Variants in THSD7A observed in about 807,000 individuals in gnomAD.
The protein encoded by THSD7A is thrombospondin type 1 domain containing 7A.
A neutral mutation model predicts 231.3 loss-of-function variants in THSD7A; 96 were observed. That is an observed-to-expected ratio of 0.41 (90% confidence interval 0.35 to 0.49). The LOEUF is 0.49. Ranked by LOEUF, THSD7A falls within the 20% of genes least tolerant of loss-of-function variation. The pLI is 0.05. For missense variants in THSD7A, 2,290 were observed against 2,070.2 expected, an observed-to-expected ratio of 1.11 and a Z score of -2.06; for synonymous variants, 940 against 743.3, an observed-to-expected ratio of 1.26 and a Z score of -4.30.
intron 23 of THSD7A, among the ~76,000 whole-genome samples, chr7:11,394,794 A>C (rs1240315135): frequency 6.6e-6 from 1 of 152,118 alleles, no homozygotes; most frequent in Non-Finnish European, 1.5e-5. Context: ...TACACTGCAT[A>C]CCTGTGGCCG....
At chr7:11,745,304 T>C (rs1423706750) in intron 1 of THSD7A, among the ~76,000 whole-genome samples, 2 of 152,250 alleles carry the variant, frequency 1.3e-5, no homozygotes, top group Middle Eastern at 6.8e-3. Flanking sequence ...GTTTTTTTCT[T>C]GTAAATTTGT....
At chr7:11,600,301 A>G (rs1261330510) in intron 2 of THSD7A, among the ~76,000 whole-genome samples, 1 of 152,220 alleles carries the variant, frequency 6.6e-6, no homozygotes, top group African/African-American at 2.4e-5. Flanking sequence ...TTTTCTATTC[A>G]AACTTTGACA....
intron 8 of THSD7A, among the ~76,000 whole-genome samples, chr7:11,473,170 T>A (rs2128301901): frequency 6.6e-6 from 1 of 152,288 alleles, no homozygotes; most frequent in East Asian, 1.9e-4. Flanking sequence ...GGGCAAAATA[T>A]CCCTAATGTC....
intron 19 of THSD7A, among the ~76,000 whole-genome samples, chr7:11,410,706 C>T (rs373209666): frequency 8.5e-5 from 13 of 152,102 alleles, no homozygotes; most frequent in African/African-American, 2.9e-4. Context: ...TGGCTGACTT[C>T]ATTCCTCTGT....
chr7:11,714,034 T>G (rs187414967), intron 1 of THSD7A, among the ~76,000 whole-genome samples: 45 of 151,402 alleles, frequency 3.0e-4, no homozygotes, highest in African/African-American at 7.7e-4. Flanking sequence ...AAATTTAAGT[T>G]AAATATGTGT....
chr7:11,723,909 G>A (rs182155748), intron 1 of THSD7A, among the ~76,000 whole-genome samples: 6 of 152,052 alleles, frequency 3.9e-5, no homozygotes, highest in Non-Finnish European at 7.4e-5. Flanking sequence ...ATCTTACTCT[G>A]AATGAAGTGG....
At position 11,597,705 on chromosome 7, in the gene THSD7A, G is replaced by A. The variant is rs186620344; in HGVS notation, c.1023-4203C>T. ...TGATTATACGTCATCAAGTCTCCAT[G>A]TGACCTGAACTGCCTATCATGTACT... On this transcript the variant is annotated intron_variant, in intron 2 of 27. Transcript: ENST00000423059. Among the ~76,000 whole-genome samples, 430 of 152,268 alleles carry A rather than the reference G, an allele frequency of 2.8e-3. 2 individuals are homozygous for A. The highest frequency in any genetic ancestry group is 3.5e-3 in the Non-Finnish European group (241 of 68,018).
In THSD7A at chr7:11,688,998, T is replaced by C. The variant is rs553718444; in HGVS notation, c.191-52037A>G. The stretch of plus-strand genomic sequence containing the variant: ...AAAAAGTTTCTGTTTCTCTTCCCTA[T>C]TTGTTTTCTCAAATGGGAAAAAAAC... On this transcript the variant is annotated intron_variant, in intron 1 of 27. Coordinates refer to ENST00000423059, the MANE Select transcript of THSD7A (RefSeq NM_015204.3). 3.1e-4 allele frequency among the ~76,000 whole-genome samples: 47 copies of C among 152,018 alleles called. No homozygotes were observed. The South Asian group carries it at 4.8e-3, about 15-fold the overall frequency.
At chr7:11,482,243 T>C (rs1317081851) in intron 6 of THSD7A, among the ~76,000 whole-genome samples, 1 of 152,190 alleles carries the variant, frequency 6.6e-6, no homozygotes, top group Non-Finnish European at 1.5e-5. Flanking sequence ...GCTGAGACGA[T>C]TCTTATGCCA....
chr7:11,417,489 A>T lies in THSD7A; in HGVS notation c.3498T>A (p.Cys1166Ter). The change falls in exon 17 of 28, where the codon TGT (cysteine) becomes TGA (stop). Residue 1166 changes from cysteine to a stop codon, truncating the protein, a stop_gained. Transcript: ENST00000423059. LOFTEE classifies it high-confidence loss of function. ...TCCATGGACCCCATTCAGATATCAC[A>T]CAGTCCTCAGGGCATGGTAATTTGC... ...RVCKLPCPED[C>*]VISEWGPWTQ... 1 of 1,612,348 alleles carries T rather than the reference A, an allele frequency of 6.2e-7. No homozygotes were observed. Among genetic ancestry groups the T allele is most frequent in the South Asian group, 1.1e-5 (1 of 90,688 alleles).
chr7:11,530,368 G>A (rs960427836), intron 6 of THSD7A, among the ~76,000 whole-genome samples: 2 of 152,082 alleles, frequency 1.3e-5, no homozygotes, highest in African/African-American at 2.4e-5. Flanking sequence ...TTTACTTGAG[G>A]AGAAATTAAG....
At chr7:11,494,947 TAATC>T (rs1486992093) in intron 6 of THSD7A, among the ~76,000 whole-genome samples, 1 of 152,076 alleles carries the variant, frequency 6.6e-6, no homozygotes, top group Non-Finnish European at 1.5e-5. Flanking sequence ...AATTTGGAAA[TAATC>T]AAATGTATGA....
intron 4 of THSD7A, among the ~76,000 whole-genome samples, chr7:11,575,220 G>A (rs1364634747): frequency 1.3e-5 from 2 of 151,898 alleles, no homozygotes; most frequent in Non-Finnish European, 1.5e-5. Flanking sequence ...ACAGAAACTT[G>A]GTAATTATTT....
At chr7:11,602,784 C>T (rs182135380) in intron 2 of THSD7A, among the ~76,000 whole-genome samples, 6 of 151,560 alleles carry the variant, frequency 4.0e-5, no homozygotes, top group African/African-American at 7.3e-5. Flanking sequence ...TTGTATTTTA[C>T]GTAGATTCTG....
intron 4 of THSD7A, among the ~76,000 whole-genome samples, chr7:11,586,505 T>C (rs1779913037): frequency 6.6e-6 from 1 of 152,174 alleles, no homozygotes; most frequent in African/African-American, 2.4e-5. Flanking sequence ...TTACCTACCT[T>C]TTATTTCAAA....
chr7:11,763,451 T>C (rs951403746), intron 1 of THSD7A, among the ~76,000 whole-genome samples: 1 of 152,230 alleles, frequency 6.6e-6, no homozygotes, highest in African/African-American at 2.4e-5. Context: ...TGCATGTATA[T>C]CTAAATGTAT....
intron 6 of THSD7A, among the ~76,000 whole-genome samples, chr7:11,495,657 A>G (rs1787067317): frequency 6.6e-6 from 1 of 152,138 alleles, no homozygotes; most frequent in Non-Finnish European, 1.5e-5. Context: ...AACTAGAAAA[A>G]TCTTAAAAAG....
At chr7:11,390,526 G>A (rs929388291) in intron 23 of THSD7A, among the ~76,000 whole-genome samples, 1 of 152,162 alleles carries the variant, frequency 6.6e-6, no homozygotes, top group Non-Finnish European at 1.5e-5. Context: ...AAGGTTCTTA[G>A]CTTCCTTGCA....
chr7:11,639,349 T>C (rs1584127702), intron 1 of THSD7A, among the ~76,000 whole-genome samples: 1 of 152,308 alleles, frequency 6.6e-6, no homozygotes, highest in East Asian at 1.9e-4. Context: ...TAACTGTACA[T>C]TTTTAGGTAG....
Sources: allele counts gnomAD v4.1 joint callset (sites outside exome capture counted in the v4.1 genomes callset), GRCh38; gene constraint gnomAD v4.1.1; transcripts MANE v1.5; gene names NCBI Gene and HGNC (gene_info 2026-07-23, HGNC 2026-07-21).